Variants in HUNK observed in about 807,000 individuals in gnomAD.
HUNK encodes hormonally up-regulated Neu-associated kinase, also known as hormonally up-regulated neu tumor-associated kinase.
Under a neutral mutation model 61.0 loss-of-function variants are expected in HUNK, and 21 were observed. The observed-to-expected ratio is 0.34, with a 90% CI of 0.24 to 0.50. HUNK has a LOEUF of 0.50. Among genes scored for constraint, HUNK ranks in the 20% least tolerant of loss-of-function variants. The pLI is 0.98. For missense variants in HUNK, 772 were observed against 945.7 expected (o/e 0.82, Z 2.41); for synonymous variants, 371 against 386.1 (o/e 0.96, Z 0.46).
At chr21:31,947,877 G>A (rs1250236112) in intron 4 of HUNK, among the ~76,000 whole-genome samples, 1 of 152,128 alleles carries the variant, frequency 6.6e-6, no homozygotes, top group African/African-American at 2.4e-5. Context: ...TTGCGTGAAG[G>A]GTGTGTTGAT....
chr21:31,876,691 G>A (rs2052264755), intron 1 of HUNK, among the ~76,000 whole-genome samples: 1 of 152,312 alleles, frequency 6.6e-6, no homozygotes, highest in African/African-American at 2.4e-5. Flanking sequence ...AGGTCATTAA[G>A]CCTCCAGTGT....
chr21:31,920,530 C>T (rs940754767), intron 1 of HUNK, among the ~76,000 whole-genome samples: 14 of 152,162 alleles, frequency 9.2e-5, no homozygotes, highest in Non-Finnish European at 1.6e-4. Flanking sequence ...AAGACAATGC[C>T]TAATTGTACT....
At chr21:31,899,573 GTAC>G (rs1449423076) in intron 1 of HUNK, among the ~76,000 whole-genome samples, 1 of 152,140 alleles carries the variant, frequency 6.6e-6, no homozygotes, top group African/African-American at 2.4e-5. Context: ...ACATTCTGAG[GTAC>G]TGGTGGTTAG....
At chr21:31,941,915 A>T (rs2052771350) in intron 3 of HUNK, among the ~76,000 whole-genome samples, 1 of 152,190 alleles carries the variant, frequency 6.6e-6, no homozygotes, top group South Asian at 2.1e-4. Flanking sequence ...TATTTATATG[A>T]CAATAAAAGT....
At chr21:31,915,054 AT>A (rs5843533) in intron 1 of HUNK, among the ~76,000 whole-genome samples, 80,001 of 146,550 alleles carry the variant, frequency 0.55, 24,868 homozygotes, top group Non-Finnish European at 0.73. Flanking sequence ...TAGATTTGGG[AT>A]TTTTTTTTTT....
intron 5 of HUNK, among the ~76,000 whole-genome samples, chr21:31,964,551 T>G (rs2052950363): frequency 6.6e-6 from 1 of 152,200 alleles, no homozygotes; most frequent in Admixed American, 6.5e-5. Flanking sequence ...CTAAGTGTTA[T>G]CTCAGAGGGG....
chr21:31,956,631 A>AT (rs1326619061), intron 4 of HUNK, among the ~76,000 whole-genome samples: 1 of 152,058 alleles, frequency 6.6e-6, no homozygotes, highest in Non-Finnish European at 1.5e-5. Flanking sequence ...TGTTACCACC[A>AT]TTGGTCCTGC....
At chr21:31,887,853 G>A (rs1381638241) in intron 1 of HUNK, among the ~76,000 whole-genome samples, 11 of 152,136 alleles carry the variant, frequency 7.2e-5, no homozygotes, top group Admixed American at 7.2e-4. Context: ...GCAGAACACG[G>A]GTAGGCAGGT....
intron 1 of HUNK, among the ~76,000 whole-genome samples, chr21:31,889,032 T>G (rs2052368359): frequency 6.6e-6 from 1 of 152,046 alleles, no homozygotes; most frequent in Non-Finnish European, 1.5e-5. Context: ...GGCTGAAAAA[T>G]CTACTGGAGG....
chr21:31,987,172 G>C (rs1281145473), intron 8 of HUNK, among the ~76,000 whole-genome samples: 1 of 152,314 alleles, frequency 6.6e-6, no homozygotes, highest in Middle Eastern at 3.4e-3. Flanking sequence ...GGGATACCTG[G>C]CTGGATTAAA....
intron 1 of HUNK, among the ~76,000 whole-genome samples, chr21:31,923,523 GAGGA>G (rs1170080003): frequency 7.3e-6 from 1 of 137,218 alleles, no homozygotes; most frequent in African/African-American, 2.6e-5. Context: ...GGGAAGGAGG[GAGGA>G]AGGGAGGGAG....
chr21:31,965,803 T>C (rs1402873725), intron 5 of HUNK, among the ~76,000 whole-genome samples: 2 of 152,018 alleles, frequency 1.3e-5, no homozygotes, highest in Non-Finnish European at 2.9e-5. Context: ...GGTTTCGCCA[T>C]GTTGATCAGG....
At chr21:31,879,111 G>A (rs1339209830) in intron 1 of HUNK, among the ~76,000 whole-genome samples, 2 of 152,234 alleles carry the variant, frequency 1.3e-5, no homozygotes, top group Admixed American at 6.5e-5. Context: ...ACTATGTTTT[G>A]CAGAGCAAGA....
At chr21:31,954,311 T>C (rs1339637815) in intron 4 of HUNK, among the ~76,000 whole-genome samples, 1 of 152,174 alleles carries the variant, frequency 6.6e-6, no homozygotes, top group Non-Finnish European at 1.5e-5. Context: ...CACATTTGAG[T>C]ATTATACACT....
At position 31,999,423 on chromosome 21, in the gene HUNK, T is replaced by G; in HGVS notation, c.*239T>G. The G allele has an allele frequency of 2.0e-6, 1 of 491,632 alleles. No individual in the cohort carries two copies. The highest frequency in any genetic ancestry group is 3.7e-5 in the South Asian group (1 of 26,874). The allele number at this position is 491,632 out of a possible 1,614,324, so 30.5% of individuals were successfully genotyped here. A position where few individuals can be genotyped will look rare whatever the true frequency, so the allele number is the denominator to read the frequency against. On this transcript the variant is annotated 3_prime_UTR_variant, in exon 11 of 11. Coordinates refer to ENST00000270112, the MANE Select transcript of HUNK (RefSeq NM_014586.2). ...CAATTCCTATCATTCAGATCTTCCT[T>G]CCTCCCAAGTACTCACCAACCCCTT...
intron 4 of HUNK, among the ~76,000 whole-genome samples, chr21:31,954,195 T>C (rs1026500513): frequency 1.3e-5 from 2 of 152,276 alleles, no homozygotes; most frequent in East Asian, 3.9e-4. Flanking sequence ...CATGATGTCC[T>C]ACTTCCTAGA....
chr21:31,952,632 C>G (rs1466724828), intron 4 of HUNK, among the ~76,000 whole-genome samples: 1 of 151,982 alleles, frequency 6.6e-6, no homozygotes, highest in Non-Finnish European at 1.5e-5. Context: ...GACTAAATAT[C>G]AGGATGGCCA....
intron 3 of HUNK, among the ~76,000 whole-genome samples, 173 bp downstream of exon 3, chr21:31,940,393 G>T (rs965311094): frequency 2.0e-5 from 3 of 152,076 alleles, no homozygotes; most frequent in African/African-American, 7.2e-5. Context: ...GTGTTTCCTT[G>T]TCTTATTCAA....
intron 7 of HUNK, among the ~76,000 whole-genome samples, chr21:31,980,174 C>T (rs1057508683): frequency 3.9e-5 from 6 of 152,170 alleles, no homozygotes; most frequent in Admixed American, 6.5e-5. Flanking sequence ...TGGGTTCAAG[C>T]GATTCTTGTG....
Sources: gnomAD v4.1 joint callset for allele counts (sites outside exome capture counted in the v4.1 genomes callset) on GRCh38, gnomAD v4.1.1 for gene constraint, MANE v1.5 for transcripts, NCBI Gene and HGNC (gene_info 2026-07-23, HGNC 2026-07-21) for gene names.